The following CACNA1C variants were observed in gnomAD, a reference collection of about 807,000 sequenced individuals.
CACNA1C encodes calcium voltage-gated channel subunit alpha1 C.
Under a neutral mutation model 229.0 loss-of-function variants are expected in CACNA1C, and 30 were observed. That is an observed-to-expected ratio of 0.13 (90% CI 0.10 to 0.18). The LOEUF (loss-of-function observed/expected upper bound fraction) is 0.18, where lower values mean the gene tolerates loss of function less well. Among genes scored for constraint, CACNA1C ranks in the 10% least tolerant of loss-of-function variants. CACNA1C has a pLI of 1.00. For missense variants in CACNA1C, 1,658 were observed against 2,845.0 expected, an observed-to-expected ratio of 0.58 and a Z score of 9.49; for synonymous variants, 1,114 against 1,132.5, an observed-to-expected ratio of 0.98 and a Z score of 0.33.
chr12:2,591,347 T>A (rs572284047), intron 18 of CACNA1C, among the ~76,000 whole-genome samples: 9 of 152,306 alleles, frequency 5.9e-5, no homozygotes, highest in Middle Eastern at 3.4e-3. Context: ...CCCTTCACCT[T>A]CATCTTATAC....
intron 43 of CACNA1C, among the ~76,000 whole-genome samples, chr12:2,683,919 G>A (rs935904707): frequency 6.6e-6 from 1 of 152,218 alleles, no homozygotes; most frequent in African/African-American, 2.4e-5. Flanking sequence ...GGAGCCCCAC[G>A]GGGGCCCAGG....
At chr12:2,551,890 G>C (rs976749134) in intron 10 of CACNA1C, among the ~76,000 whole-genome samples, 3 of 152,140 alleles carry the variant, frequency 2.0e-5, no homozygotes, top group African/African-American at 7.2e-5. Context: ...AGCCCAGTTG[G>C]AGTGACCTGC....
chr12:2,243,208 C>T (rs979900444), intron 3 of CACNA1C, among the ~76,000 whole-genome samples: 2 of 152,160 alleles, frequency 1.3e-5, no homozygotes, highest in Non-Finnish European at 2.9e-5. Context: ...TGAGCTCTGA[C>T]GATTTGATAT....
rs1222535762 is a variant in CACNA1C at position 2,639,463 on chromosome 12, A to T, written c.3912+5083A>T. Reference sequence around the variant, plus strand: ...CAATAGAAAGTGCTGGGCAGCCTGAATTCCTGCATTATGGACATAGAGAAA... The same window carrying T: ...CAATAGAAAGTGCTGGGCAGCCTGATTTCCTGCATTATGGACATAGAGAAA... On this transcript the variant is annotated intron_variant, in intron 30 of 46. Transcript: ENST00000399655. This position sits in a 1 kb window ranked among gnomAD's most constrained non-coding sequence, Gnocchi z 4.2. Among the ~76,000 whole-genome samples, 1 of 152,218 alleles carries T rather than the reference A, an allele frequency of 6.6e-6. No homozygotes were observed. Among genetic ancestry groups the T allele is most frequent in the African/African-American group, 2.4e-5 (1 of 41,450 alleles).
At chr12:2,336,234 A>G (rs2096690802) in intron 3 of CACNA1C, among the ~76,000 whole-genome samples, 1 of 152,246 alleles carries the variant, frequency 6.6e-6, no homozygotes, top group Admixed American at 6.5e-5. Context: ...ACTAGGCACG[A>G]TTATTCCAAC....
intron 3 of CACNA1C, among the ~76,000 whole-genome samples, chr12:2,296,260 G>A (rs1401314805): frequency 6.6e-6 from 1 of 152,224 alleles, no homozygotes; most frequent in Non-Finnish European, 1.5e-5. Flanking sequence ...AAATGCAGGA[G>A]CACAAGGAAT....
At position 2,585,834 on chromosome 12, in the gene CACNA1C, G is replaced by T. The variant is rs2062220136; in HGVS notation, c.2461-1G>T. ...CCCCCTTCTCCCCTGTGACTGTCTA[G>T]ATCAACATGGATGACCTCCAGCCCA... On this transcript the variant is annotated splice_acceptor_variant, in intron 17 of 46. Coordinates refer to ENST00000399655, the MANE Select transcript of CACNA1C (RefSeq NM_000719.7). LOFTEE classifies it high-confidence loss of function. This position sits in a 1 kb window ranked among gnomAD's most constrained non-coding sequence, Gnocchi z 4.1. 6.2e-7 allele frequency: 1 copy of T among 1,606,086 alleles called. No homozygotes were observed. The highest frequency in any genetic ancestry group is 1.3e-5 in the African/African-American group (1 of 74,676).
intron 7 of CACNA1C, among the ~76,000 whole-genome samples, chr12:2,496,135 G>A (rs2099746344): frequency 1.3e-5 from 2 of 152,138 alleles, no homozygotes; most frequent in South Asian, 4.1e-4. Context: ...TCTAAAGTCG[G>A]GGCCCCAGTA....
At chr12:2,376,222 A>G (rs1356108328) in intron 3 of CACNA1C, among the ~76,000 whole-genome samples, 1 of 152,134 alleles carries the variant, frequency 6.6e-6, no homozygotes, top group Non-Finnish European at 1.5e-5. Context: ...GCCATGGAGG[A>G]CACTCTAGAT....
intron 3 of CACNA1C, among the ~76,000 whole-genome samples, chr12:2,338,714 CAG>C (rs1471864248): frequency 2.0e-5 from 3 of 152,134 alleles, no homozygotes; most frequent in Non-Finnish European, 4.4e-5. Context: ...ATCCAGGACA[CAG>C]GGCCCAGGAA....
At chr12:2,594,067 C>T (rs1040486984) in intron 19 of CACNA1C, among the ~76,000 whole-genome samples, 9 of 152,206 alleles carry the variant, frequency 5.9e-5, no homozygotes, top group African/African-American at 1.9e-4. Context: ...GCTGTCATTC[C>T]AACTATGGTT....
chr12:2,596,031 C>A, intron 20 of CACNA1C, 28 bp downstream of exon 20: 4 of 1,596,008 alleles, frequency 2.5e-6, no homozygotes, highest in Non-Finnish European at 2.6e-6. Context: ...CTTCTGCACT[C>A]CTTCCCCCTG....
At position 2,218,860 on chromosome 12, in the gene CACNA1C, T is replaced by C. The variant is rs1024388127; in HGVS notation, c.477+98430T>C. On this transcript the variant is annotated intron_variant, in intron 3 of 46. Transcript: ENST00000399655. ...GCATCTGGCAGCTGCTGGCCAACGG[T>C]TGACTAGTCAGTATCTAGCAGCCTG... Among the ~76,000 whole-genome samples, 4 of 152,196 alleles carry C rather than the reference T, an allele frequency of 2.6e-5. No homozygotes were observed. In the East Asian group the frequency reaches 5.8e-4, roughly 22 times the overall value.
chr12:2,385,972 T>C (rs536127206), intron 3 of CACNA1C, among the ~76,000 whole-genome samples: 1 of 152,312 alleles, frequency 6.6e-6, no homozygotes, highest in African/African-American at 2.4e-5. Context: ...TATTAAAAAT[T>C]ATACAAACTT....
chr12:2,355,172 G>A (rs1190541409), intron 3 of CACNA1C, among the ~76,000 whole-genome samples: 1 of 152,192 alleles, frequency 6.6e-6, no homozygotes, highest in East Asian at 1.9e-4. Context: ...ACATTGCCAG[G>A]TCAGAGCTGA....
rs2068988639 is a variant in CACNA1C, at chr12:2,597,567, T to TTGTC, written c.2853+280_2853+283dup. The TTGTC allele has an allele frequency of 2.0e-6, 2 of 1,020,254 alleles. No individual in the cohort carries two copies. Among genetic ancestry groups the TTGTC allele is most frequent in the South Asian group, 2.6e-5 (2 of 77,076 alleles). 63.2% of individuals were successfully genotyped at this position (1,020,254 alleles called of 1,614,324 possible). ...TCTCTGCTCTGTGTGGCTGGATCTT[T>TTGTC]TGTCTTTTCTGTTTCTTTCACTCTC... On this transcript the variant is annotated intron_variant, in intron 21 of 46. Coordinates refer to ENST00000399655, the MANE Select transcript of CACNA1C (RefSeq NM_000719.7). This position sits in a 1 kb window ranked among gnomAD's most constrained non-coding sequence, Gnocchi z 4.3.
At chr12:2,137,080 G>T (rs910868768) in intron 3 of CACNA1C, among the ~76,000 whole-genome samples, 1 of 151,384 alleles carries the variant, frequency 6.6e-6, no homozygotes, top group African/African-American at 2.4e-5. Flanking sequence ...GCCCAGGTGA[G>T]AGCAGTCCCC....
intron 2 of CACNA1C, 128 bp from the exon 3 acceptor site, chr12:2,120,197 A>G: frequency 1.5e-6 from 1 of 689,074 alleles, no homozygotes; most frequent in Non-Finnish European, 2.6e-6. Context: ...TTCAGAATAC[A>G]AGGGGCTTGG....
chr12:2,202,324 T>C (rs1322566982), intron 3 of CACNA1C, among the ~76,000 whole-genome samples: 1 of 152,210 alleles, frequency 6.6e-6, no homozygotes, highest in East Asian at 1.9e-4. Flanking sequence ...AGGCTCTTAC[T>C]TTGTGTCTTT....
Sources: allele counts gnomAD v4.1 joint callset (sites outside exome capture counted in the v4.1 genomes callset), GRCh38; gene constraint gnomAD v4.1.1; non-coding constraint Gnocchi (gnomAD v3.1); transcripts MANE v1.5; gene names NCBI Gene and HGNC (gene_info 2026-07-23, HGNC 2026-07-21).